Variants in TNFAIP6 observed in about 807,000 individuals in gnomAD.
TNFAIP6 encodes the protein tumor necrosis factor-inducible gene 6 protein.
TNFAIP6 carries 36 observed loss-of-function variants against 33.7 expected under a neutral mutation model. The observed-to-expected ratio is 1.07, with a 90% confidence interval of 0.82 to 1.41. The LOEUF (loss-of-function observed/expected upper bound fraction) is 1.41. Among genes scored for constraint, TNFAIP6 ranks in the 40% most tolerant of loss-of-function variants. The pLI, the probability that TNFAIP6 is intolerant of heterozygous loss-of-function variation, is 0.00. For synonymous variants in TNFAIP6, 113 were observed against 112.8 expected (o/e 1.00, Z -0.01); for missense variants, 273 against 331.9 (o/e 0.82, Z 1.38).
At chr2:151,381,314 A>T (rs1219721440), downstream of TNFAIP6, among the ~76,000 whole-genome samples, 1 of 152,094 alleles carries the variant, frequency 6.6e-6, no homozygotes, top group East Asian at 1.9e-4. Context: ...CTATGAAAAA[A>T]ATTTTAAATT....
chr2:151,365,789 A>T (rs182268616), intron 2 of TNFAIP6, among the ~76,000 whole-genome samples: 18 of 152,308 alleles, frequency 1.2e-4, no homozygotes, highest in African/African-American at 3.6e-4. Flanking sequence ...GCCAGCTCTG[A>T]ACTTGGATTA....
rs71403162 is a variant in TNFAIP6, at chr2:151,376,865, C to CTTT, written c.665-2481_665-2479dup. On this transcript the variant is annotated intron_variant, in intron 5 of 5. Transcript: ENST00000243347. ...GCCAATTTACATTTCTTTTTCTTTT[C>CTTT]TTTTTTTTTTTTTTTTTTTTGTTTT... Among the ~76,000 whole-genome samples the CTTT allele has an allele frequency of 7.0e-3, 801 of 114,152 alleles. 1 individual carries two copies. The highest frequency in any genetic ancestry group is 0.021 in the Middle Eastern group (3 of 144). 74.9% of individuals were successfully genotyped at this position (114,152 alleles called of 152,430 possible).
intron 1 of TNFAIP6, among the ~76,000 whole-genome samples, chr2:151,358,377 T>C (rs1219371986): frequency 6.6e-6 from 1 of 152,216 alleles, no homozygotes; most frequent in Non-Finnish European, 1.5e-5. Flanking sequence ...ACAAGGAAAG[T>C]TTCTTTTGTT....
chr2:151,363,853 C>T lies in TNFAIP6; in HGVS notation c.95-90C>T. ...GAAAGCCCTTTGGCAGGAACAATAG[C>T]TGTTGTAATCTTCCAGCTGAGGCCA... On this transcript the variant is annotated intron_variant, in intron 1 of 5. Transcript: ENST00000243347. 3 of 1,496,758 alleles carry T rather than the reference C, an allele frequency of 2.0e-6. 1 individual carries two copies. Among genetic ancestry groups the T allele is most frequent in the South Asian group, 2.6e-5 (2 of 77,478 alleles). The allele number at this position is 1,496,758 out of a possible 1,614,324, so 92.7% of individuals were successfully genotyped here.
At chr2:151,375,529 A>C (rs1684891518) in intron 5 of TNFAIP6, among the ~76,000 whole-genome samples, 1 of 152,088 alleles carries the variant, frequency 6.6e-6, no homozygotes, top group Non-Finnish European at 1.5e-5. Flanking sequence ...TAACACGGTG[A>C]AACTCCGTCT....
chr2:151,363,238 C>T (rs1189588632), intron 1 of TNFAIP6, among the ~76,000 whole-genome samples: 1 of 152,010 alleles, frequency 6.6e-6, no homozygotes, highest in African/African-American at 2.4e-5. Context: ...ATCGCTTGAA[C>T]CCAGGAGGCG....
intron 5 of TNFAIP6, among the ~76,000 whole-genome samples, chr2:151,377,314 C>T (rs1684931339): frequency 6.6e-6 from 1 of 152,040 alleles, no homozygotes; most frequent in Non-Finnish European, 1.5e-5. Flanking sequence ...GGACTACAGG[C>T]ACCCGCCACC....
chr2:151,369,129 A>C (rs1464196622), intron 3 of TNFAIP6, among the ~76,000 whole-genome samples: 1 of 152,186 alleles, frequency 6.6e-6, no homozygotes, highest in Non-Finnish European at 1.5e-5. Context: ...TGCAGAGGCT[A>C]CAGTGAGCCG....
chr2:151,359,497 T>C (rs548673073), intron 1 of TNFAIP6, among the ~76,000 whole-genome samples: 16 of 151,510 alleles, frequency 1.1e-4, no homozygotes, highest in African/African-American at 3.9e-4. Context: ...CACGCCATTC[T>C]CCTGCCTCAG....
At chr2:151,368,080 G>A (rs1684746120) in intron 3 of TNFAIP6, among the ~76,000 whole-genome samples, 1 of 151,784 alleles carries the variant, frequency 6.6e-6, no homozygotes, top group Admixed American at 6.6e-5. Flanking sequence ...GCTATGGGAT[G>A]GAACAACTCG....
chr2:151,370,845 T>C lies in TNFAIP6; in HGVS notation c.623+597T>C, dbSNP rs559488300. 1.4e-3 allele frequency among the ~76,000 whole-genome samples: 219 copies of C among 152,242 alleles called. 1 individual carries two copies. Among genetic ancestry groups the C allele is most frequent in the African/African-American group, 4.5e-3 (188 of 41,544 alleles). Reference sequence around the variant, plus strand: ...CACCACTTTGGGAGGCCAAGGTGGGTGGATTACCTGAGGTCAGGAGTTCAA... The same window carrying C: ...CACCACTTTGGGAGGCCAAGGTGGGCGGATTACCTGAGGTCAGGAGTTCAA... On this transcript the variant is annotated intron_variant, in intron 4 of 5. Transcript: ENST00000243347.
At position 151,379,608 on chromosome 2, in the gene TNFAIP6, A is replaced by G; in HGVS notation, c.*75A>G. 9.9e-7 allele frequency: 1 copy of G among 1,012,510 alleles called. No individual in the cohort carries two copies. Among genetic ancestry groups the G allele is most frequent in the Non-Finnish European group, 1.3e-6 (1 of 751,504 alleles). 62.7% of individuals were successfully genotyped at this position (1,012,510 alleles called of 1,614,324 possible). ...TTGGAACTCCTTTGATCTCACTGTT[A>G]TTATTAACATTTATTTATTATTTTT... On this transcript the variant is annotated 3_prime_UTR_variant, in exon 6 of 6. Coordinates refer to ENST00000243347, the MANE Select transcript of TNFAIP6 (RefSeq NM_007115.4).
downstream of TNFAIP6, chr2:151,380,072 T>G (rs1315056099): frequency 1.3e-5 from 2 of 152,134 alleles, no homozygotes; most frequent in Non-Finnish European, 2.9e-5. Context: ...CTCTAATTAT[T>G]TAAGACAAGG....
chr2:151,372,391 C>T (rs1684832871), intron 4 of TNFAIP6: 2 of 151,998 alleles, frequency 1.3e-5, no homozygotes, highest in East Asian at 1.9e-4. Context: ...TAGACTTTTC[C>T]TCTAGAATAA....
chr2:151,380,926 T>A (rs1264270080), downstream of TNFAIP6, among the ~76,000 whole-genome samples: 2 of 152,254 alleles, frequency 1.3e-5, no homozygotes, highest in East Asian at 3.8e-4. Context: ...ATTCCCATTA[T>A]AAGATATGAC....
intron 3 of TNFAIP6, among the ~76,000 whole-genome samples, chr2:151,369,305 A>T (rs1573782629): frequency 1.3e-5 from 2 of 152,296 alleles, no homozygotes; most frequent in East Asian, 3.8e-4. Context: ...CAATTCTTTT[A>T]ATTTTAAAAT....
At chr2:151,378,614 AGG>A (rs1164300303) in intron 5 of TNFAIP6, among the ~76,000 whole-genome samples, 1 of 151,638 alleles carries the variant, frequency 6.6e-6, no homozygotes, top group East Asian at 2.0e-4. Flanking sequence ...CAGCCTCCCG[AGG>A]AGCTGGGATT....
At chr2:151,364,627 G>C (rs1684681933) in intron 2 of TNFAIP6, among the ~76,000 whole-genome samples, 1 of 152,154 alleles carries the variant, frequency 6.6e-6, no homozygotes, top group African/African-American at 2.4e-5. Context: ...TGGGAAGATG[G>C]TATCAGAAGA....
intron 5 of TNFAIP6, among the ~76,000 whole-genome samples, chr2:151,375,512 T>A (rs568153873): frequency 6.6e-6 from 1 of 152,176 alleles, no homozygotes; most frequent in African/African-American, 2.4e-5. Context: ...ATCGAGACCA[T>A]CCTGGCTAAC....
Sources: allele counts gnomAD v4.1 joint callset (sites outside exome capture counted in the v4.1 genomes callset), GRCh38; gene constraint gnomAD v4.1.1; transcripts MANE v1.5; gene names NCBI Gene and HGNC (gene_info 2026-07-23, HGNC 2026-07-21).